The following NRCAM variants were observed in gnomAD, a reference collection of about 807,000 sequenced individuals.
NRCAM encodes NgCAM-related cell adhesion molecule.
A neutral mutation model predicts 156.5 loss-of-function variants in NRCAM; 83 were observed. The observed-to-expected ratio is 0.53, with a 90% confidence interval of 0.44 to 0.64. The LOEUF is 0.64. Ranked by LOEUF, NRCAM falls within the 30% of genes least tolerant of loss-of-function variation. The pLI, the probability that NRCAM is intolerant of heterozygous loss-of-function variation, is 0.00. For synonymous variants in NRCAM, 538 were observed against 563.9 expected, an observed-to-expected ratio of 0.95 and a Z score of 0.65; for missense variants, 1,417 against 1,597.3, an observed-to-expected ratio of 0.89 and a Z score of 1.92.
intron 3 of NRCAM, among the ~76,000 whole-genome samples, chr7:108,259,270 C>A (rs549813586): frequency 1.3e-5 from 2 of 152,334 alleles, no homozygotes; most frequent in African/African-American, 4.8e-5. Flanking sequence ...CCACTTAAAT[C>A]CATACAAATT....
chr7:108,448,969 T>G (rs755188368), intron 1 of NRCAM, among the ~76,000 whole-genome samples: 9 of 152,060 alleles, frequency 5.9e-5, no homozygotes, highest in Admixed American at 3.3e-4. Context: ...AACTAGATAA[T>G]AGAGGGGAAA....
rs183305422 is a variant in NRCAM at position 108,400,446 on chromosome 7, G to A, written c.-331-853C>T. Among the ~76,000 whole-genome samples, 7 of 152,272 alleles carry A rather than the reference G, an allele frequency of 4.6e-5. No individual in the cohort carries two copies. In the East Asian group the frequency reaches 1.2e-3, roughly 25 times the overall value. ...ACCCTGCCTGTGCATTAGCACCACT[G>A]GGTAAGCTTTTAAAAAGTATCGATG... On this transcript the variant is annotated intron_variant, in intron 1 of 32. Coordinates refer to ENST00000379028, the MANE Select transcript of NRCAM (RefSeq NM_001037132.4).
intron 3 of NRCAM, among the ~76,000 whole-genome samples, chr7:108,251,255 G>C (rs889703534): frequency 7.9e-5 from 12 of 152,154 alleles, no homozygotes; most frequent in African/African-American, 2.9e-4. Flanking sequence ...AAATGTTGTA[G>C]AAGTAATACA....
intron 1 of NRCAM, among the ~76,000 whole-genome samples, chr7:108,427,209 T>C (rs1255523787): frequency 1.3e-5 from 2 of 152,162 alleles, no homozygotes; most frequent in African/African-American, 2.4e-5. Flanking sequence ...GATTACTTCC[T>C]TCCCCAAAGA....
At chr7:108,250,861 C>T (rs2096300953) in intron 3 of NRCAM, among the ~76,000 whole-genome samples, 2 of 152,250 alleles carry the variant, frequency 1.3e-5, no homozygotes, top group African/African-American at 4.8e-5. Flanking sequence ...AATCATCTCA[C>T]ACACCCCATA....
chr7:108,323,686 C>A (rs2099029431), intron 2 of NRCAM, among the ~76,000 whole-genome samples: 2 of 152,046 alleles, frequency 1.3e-5, no homozygotes, highest in Non-Finnish European at 2.9e-5. Flanking sequence ...TCTCTGCACT[C>A]AATAGCTTAT....
intron 4 of NRCAM, among the ~76,000 whole-genome samples, chr7:108,239,404 T>A (rs754010960): frequency 1.3e-5 from 2 of 152,134 alleles, no homozygotes; most frequent in African/African-American, 2.4e-5. Context: ...TAGACTTATA[T>A]TTAGGATTCA....
chr7:108,158,511 T>G (rs1041355941), intron 32 of NRCAM, among the ~76,000 whole-genome samples: 2 of 152,072 alleles, frequency 1.3e-5, no homozygotes, highest in African/African-American at 4.8e-5. Context: ...TAGAGACAGG[T>G]AAAACTTAAC....
intron 3 of NRCAM, among the ~76,000 whole-genome samples, chr7:108,245,825 C>G (rs1404659208): frequency 6.6e-6 from 1 of 152,220 alleles, no homozygotes; most frequent in East Asian, 1.9e-4. Context: ...TTGCAACACA[C>G]ATGATCATCT....
intron 2 of NRCAM, among the ~76,000 whole-genome samples, chr7:108,391,682 C>G (rs1420305061): frequency 6.6e-6 from 1 of 152,278 alleles, no homozygotes; most frequent in East Asian, 1.9e-4. Flanking sequence ...ATGGTCTTTA[C>G]AATTTGGCAT....
intron 5 of NRCAM, 119 bp downstream of exon 5, chr7:108,237,633 C>T (rs750203210): frequency 1.5e-6 from 1 of 667,474 alleles, no homozygotes; most frequent in Non-Finnish European, 2.4e-6. Flanking sequence ...AACACACATG[C>T]TTAGAAAGAC....
intron 13 of NRCAM, among the ~76,000 whole-genome samples, chr7:108,204,352 A>G (rs2079872455): frequency 6.6e-6 from 1 of 152,218 alleles, no homozygotes; most frequent in Non-Finnish European, 1.5e-5. Context: ...GTGGCCACTC[A>G]GCAGAAGCTG....
intron 2 of NRCAM, among the ~76,000 whole-genome samples, chr7:108,371,013 T>C (rs575354628): frequency 2.6e-5 from 4 of 152,118 alleles, no homozygotes; most frequent in Admixed American, 1.3e-4. Context: ...TTGCAGACAA[T>C]AGATTTGAAT....
At position 108,418,816 on chromosome 7, in the gene NRCAM, T is replaced by C. The variant is rs544420236; in HGVS notation, c.-331-19223A>G. Among the ~76,000 whole-genome samples the C allele has an allele frequency of 3.3e-5, 5 of 152,286 alleles. No individual in the cohort carries two copies. The South Asian group carries it at 1.0e-3, about 32-fold the overall frequency. The stretch of plus-strand genomic sequence containing the variant: ...TGGCTTATTTTATAGCATAAACATT[T>C]ATTTGACCATCAGTGTATAGGCTTT... On this transcript the variant is annotated intron_variant, in intron 1 of 32. Transcript: ENST00000379028.
chr7:108,200,861 T>C (rs753607316), intron 13 of NRCAM, among the ~76,000 whole-genome samples: 7 of 151,968 alleles, frequency 4.6e-5, no homozygotes, highest in Non-Finnish European at 1.0e-4. Context: ...TGGAGATCAT[T>C]ATTCTAAGTG....
At chr7:108,210,591 G>T (rs2083646397) in intron 11 of NRCAM, among the ~76,000 whole-genome samples, 1 of 152,194 alleles carries the variant, frequency 6.6e-6, no homozygotes, top group Non-Finnish European at 1.5e-5. Flanking sequence ...CAGATGAAAA[G>T]TCAGAATATA....
chr7:108,205,760 T>G (rs2080813492), intron 13 of NRCAM, among the ~76,000 whole-genome samples: 1 of 152,206 alleles, frequency 6.6e-6, no homozygotes, highest in African/African-American at 2.4e-5. Flanking sequence ...AATTTTTTGT[T>G]GATTTTTTTG....
At chr7:108,286,405 G>T (rs531178661) in intron 3 of NRCAM, among the ~76,000 whole-genome samples, 1 of 151,912 alleles carries the variant, frequency 6.6e-6, no homozygotes, top group African/African-American at 2.4e-5. Flanking sequence ...ATTCCTTTAT[G>T]TAGAACAATA....
chr7:108,376,460 C>CT (rs953049428), intron 2 of NRCAM, among the ~76,000 whole-genome samples: 4 of 152,034 alleles, frequency 2.6e-5, no homozygotes, highest in Admixed American at 1.3e-4. Flanking sequence ...GTTACTTAGG[C>CT]TTTTTTGGAT....
Sources: allele counts gnomAD v4.1 joint callset (sites outside exome capture counted in the v4.1 genomes callset), GRCh38; gene constraint gnomAD v4.1.1; transcripts MANE v1.5; gene names NCBI Gene and HGNC (gene_info 2026-07-23, HGNC 2026-07-21).